The following CCDC150 variants were observed in gnomAD, a reference collection of about 807,000 sequenced individuals.
The protein encoded by CCDC150 is coiled-coil domain containing 150, also known as coiled-coil domain-containing protein 150.
CCDC150 carries 151 observed loss-of-function variants against 156.5 expected under a neutral mutation model. The ratio of observed to expected loss-of-function variants is 0.97; its 90% CI spans 0.85 to 1.10. CCDC150 has a LOEUF of 1.10. Ranked by LOEUF, CCDC150 falls within the 50% of genes least tolerant of loss-of-function variation. The probability of loss-of-function intolerance (pLI) is 0.00; values close to 1 mark genes in which losing one functional copy is unlikely to be tolerated. For synonymous variants in CCDC150, 452 were observed against 429.4 expected (o/e 1.05, Z -0.65); for missense variants, 1,312 against 1,268.1 (o/e 1.03, Z -0.53).
In CCDC150 at chr2:196,676,140, CAGGT is replaced by C. The variant is rs1425439505; in HGVS notation, c.1138_1141del (p.Val380SerfsTer4). 4.3e-6 allele frequency: 7 copies of C among 1,613,180 alleles called. No homozygotes were observed. The highest frequency in any genetic ancestry group is 1.7e-5 in the Admixed American group (1 of 59,958). ...AACTTCTAATATTGCTTTTAACACTCAGGTAGAGCAGAAAATGATGACGCAGACA... is the reference window on the plus strand; with the variant it reads ...AACTTCTAATATTGCTTTTAACACTCAGAGCAGAAAATGATGACGCAGACA... On this transcript the variant is annotated splice_acceptor_variant and coding_sequence_variant, in exon 11 of 28. Transcript: ENST00000389175. LOFTEE classifies it high-confidence loss of function.
At chr2:196,698,336 G>A (rs770523291) in intron 14 of CCDC150, among the ~76,000 whole-genome samples, 3 of 152,056 alleles carry the variant, frequency 2.0e-5, no homozygotes, top group African/African-American at 7.2e-5. Context: ...TTGTACATTA[G>A]CATTCTCTTT....
intron 13 of CCDC150, among the ~76,000 whole-genome samples, chr2:196,679,431 A>G (rs1694691448): frequency 6.6e-6 from 1 of 152,182 alleles, no homozygotes; most frequent in Non-Finnish European, 1.5e-5. Flanking sequence ...AGCATTTTAA[A>G]TTTAATTTTT....
intron 13 of CCDC150, among the ~76,000 whole-genome samples, chr2:196,677,710 G>A (rs57051535): frequency 0.09 from 13,766 of 152,276 alleles, 786 homozygotes; most frequent in African/African-American, 0.17. Context: ...AAAACTAACG[G>A]CTGGGTGAGG....
chr2:196,719,383 C>T, intron 18 of CCDC150, 114 bp from the exon 19 acceptor site: 1 of 733,700 alleles, frequency 1.4e-6, no homozygotes, highest in Non-Finnish European at 2.1e-6. Context: ...CACTAGCATC[C>T]TACTGTGTCT....
intron 17 of CCDC150, among the ~76,000 whole-genome samples, chr2:196,714,233 G>T (rs1697334787): frequency 6.6e-6 from 1 of 152,176 alleles, no homozygotes; most frequent in South Asian, 2.1e-4. Flanking sequence ...CGAAAGCAGG[G>T]ATTTATTAAA....
At chr2:196,720,523 T>C in intron 19 of CCDC150, 52 bp from the exon 20 acceptor site, 1 of 1,464,920 alleles carries the variant, frequency 6.8e-7, no homozygotes, top group South Asian at 1.2e-5. Flanking sequence ...AATGGTATCA[T>C]TCCTACACGA....
chr2:196,689,273 T>G lies in CCDC150; in HGVS notation c.1510-5773T>G, dbSNP rs1575842315. Among the ~76,000 whole-genome samples, 6 of 152,266 alleles carry G rather than the reference T, an allele frequency of 3.9e-5. No homozygotes were observed. The South Asian group carries it at 1.0e-3, about 26-fold the overall frequency. ...GAACTTTAAAGTAGTTTTTTCCAAT[T>G]CTGTGAGGAAAGTCATTGGTAGCTT... On this transcript the variant is annotated intron_variant, in intron 13 of 27. Coordinates refer to ENST00000389175, the MANE Select transcript of CCDC150 (RefSeq NM_001080539.2).
chr2:196,666,639 T>C, intron 6 of CCDC150, 80 bp from the exon 7 acceptor site: 1 of 1,171,158 alleles, frequency 8.5e-7, no homozygotes. Flanking sequence ...GGTTGGAATG[T>C]TGCCTTATAC....
At chr2:196,646,604 AC>A in intron 2 of CCDC150, 100 bp downstream of exon 2, 1 of 845,730 alleles carries the variant, frequency 1.2e-6, no homozygotes, top group South Asian at 1.7e-5. Flanking sequence ...TTGCAAAAGA[AC>A]TGAGAAATAA....
chr2:196,680,936 C>T (rs1326213552), intron 13 of CCDC150, among the ~76,000 whole-genome samples: 1 of 152,172 alleles, frequency 6.6e-6, no homozygotes, highest in South Asian at 2.1e-4. Flanking sequence ...AAATATCTCA[C>T]TGTGGTTTTT....
At chr2:196,693,341 A>G (rs1428145011) in intron 13 of CCDC150, among the ~76,000 whole-genome samples, 1 of 152,166 alleles carries the variant, frequency 6.6e-6, no homozygotes, top group Non-Finnish European at 1.5e-5. Context: ...TTCACTCAGT[A>G]TTTCATAATT....
chr2:196,681,483 A>C (rs1443467992), intron 13 of CCDC150, among the ~76,000 whole-genome samples: 1 of 150,342 alleles, frequency 6.7e-6, no homozygotes, highest in Non-Finnish European at 1.5e-5. Context: ...ATTCTTTGTG[A>C]TATATATATC....
chr2:196,707,837 T>G (rs1696778079), intron 15 of CCDC150, among the ~76,000 whole-genome samples: 1 of 151,768 alleles, frequency 6.6e-6, no homozygotes, highest in African/African-American at 2.4e-5. Context: ...GTGAGTTTCT[T>G]AATGCTAATT....
At chr2:196,731,855 C>T (rs1471262895) in intron 26 of CCDC150, among the ~76,000 whole-genome samples, 178 bp from the exon 27 acceptor site, 3 of 152,196 alleles carry the variant, frequency 2.0e-5, no homozygotes, top group Non-Finnish European at 4.4e-5. Context: ...TTTAACCCCT[C>T]ACTCAGAAAT....
chr2:196,640,221 T>TAGAC (rs906716030), intron 1 of CCDC150, among the ~76,000 whole-genome samples: 4 of 152,348 alleles, frequency 2.6e-5, no homozygotes, highest in Admixed American at 2.6e-4. Context: ...TAGAACGGAA[T>TAGAC]AGACATTCGT....
At chr2:196,713,422 G>T (rs921345417) in intron 17 of CCDC150, 3 of 1,546,976 alleles carry the variant, frequency 1.9e-6, no homozygotes, top group East Asian at 4.9e-5. Flanking sequence ...AAATCTCTAG[G>T]TCCCATGTAA....
At chr2:196,672,264 G>A (rs1455740570) in intron 8 of CCDC150, 81 bp from the exon 9 acceptor site, 13 of 585,524 alleles carry the variant, frequency 2.2e-5, no homozygotes, top group East Asian at 1.7e-4. Context: ...TGTACTGGCC[G>A]AAATACAAAA....
intron 1 of CCDC150, among the ~76,000 whole-genome samples, chr2:196,641,746 G>A (rs1246410993): frequency 6.7e-6 from 1 of 150,286 alleles, no homozygotes; most frequent in Non-Finnish European, 1.5e-5. Context: ...TTTGTTAGAT[G>A]TGTGAGTGAA....
chr2:196,645,564 C>T (rs1692488507), intron 1 of CCDC150, among the ~76,000 whole-genome samples: 1 of 152,176 alleles, frequency 6.6e-6, no homozygotes, highest in South Asian at 2.1e-4. Context: ...CACCAATTAC[C>T]TTGTCATTGA....
Sources: gnomAD v4.1 joint callset for allele counts (sites outside exome capture counted in the v4.1 genomes callset) on GRCh38, gnomAD v4.1.1 for gene constraint, MANE v1.5 for transcripts, NCBI Gene and HGNC (gene_info 2026-07-23, HGNC 2026-07-21) for gene names.